The following CALCR variants were observed in gnomAD, a reference collection of about 807,000 sequenced individuals.
CALCR encodes calcitonin receptor.
In CALCR, 47 loss-of-function variants were observed where a neutral mutation model predicts 59.5. That is an observed-to-expected ratio of 0.79 (90% CI 0.63 to 1.01). CALCR has a LOEUF of 1.01. CALCR is among the 50% of genes least tolerant of loss of function. CALCR has a pLI of 0.00. For missense variants in CALCR, 566 were observed against 597.1 expected, an observed-to-expected ratio of 0.95 and a Z score of 0.54; for synonymous variants, 213 against 211.3, an observed-to-expected ratio of 1.01 and a Z score of -0.07.
chr7:93,497,020 G>A (rs1377423396), intron 2 of CALCR, among the ~76,000 whole-genome samples: 1 of 151,460 alleles, frequency 6.6e-6, no homozygotes, highest in Non-Finnish European at 1.5e-5. Context: ...GCCACATAAA[G>A]CAAAACAGAG....
intron 2 of CALCR, among the ~76,000 whole-genome samples, chr7:93,507,348 A>G (rs1801446166): frequency 6.6e-6 from 1 of 152,114 alleles, no homozygotes; most frequent in Non-Finnish European, 1.5e-5. Flanking sequence ...TGCCTGATGG[A>G]GAAAACATTA....
intron 3 of CALCR, chr7:93,483,958 T>C (rs549222966): frequency 3.9e-6 from 2 of 516,152 alleles, no homozygotes; most frequent in South Asian, 2.9e-5. Flanking sequence ...CTGCCGTATA[T>C]GTGATGTCAC....
intron 8 of CALCR, among the ~76,000 whole-genome samples, chr7:93,447,129 G>A (rs745559491): frequency 7.2e-5 from 11 of 151,932 alleles, no homozygotes; most frequent in Non-Finnish European, 1.3e-4. Flanking sequence ...AAGCGGAAGG[G>A]ATCCTTCAGT....
intron 5 of CALCR, among the ~76,000 whole-genome samples, chr7:93,473,346 T>C (rs1264020552): frequency 5.9e-5 from 9 of 151,804 alleles, no homozygotes; most frequent in African/African-American, 2.2e-4. Context: ...CTTCCATAAC[T>C]AGCAGGTAGA....
intron 2 of CALCR, among the ~76,000 whole-genome samples, chr7:93,509,481 GA>G (rs67754446): frequency 0.017 from 2,562 of 152,038 alleles, 65 homozygotes; most frequent in African/African-American, 0.058. Flanking sequence ...AAAACAAAAT[GA>G]AAAAACTTTT....
chr7:93,469,222 C>G (rs10281674), intron 6 of CALCR, among the ~76,000 whole-genome samples: 89,738 of 151,464 alleles, frequency 0.59, 28,246 homozygotes, highest in African/African-American at 0.82. Flanking sequence ...TACAGAGGGT[C>G]CAGAGAGTAT....
At position 93,513,371 on chromosome 7, in the gene CALCR, A is replaced by G. The variant is rs140787759; in HGVS notation, c.-26-26364T>C. On this transcript the variant is annotated intron_variant, in intron 2 of 13. Coordinates refer to ENST00000426151, the MANE Select transcript of CALCR (RefSeq NM_001742.4). ...AAAAGAAGTATATATAGGTTTATTT[A>G]CTAGGACACCTTATTAAATACTACA... Among the ~76,000 whole-genome samples, 12 of 152,306 alleles carry G rather than the reference A, an allele frequency of 7.9e-5. No individual in the cohort carries two copies. The East Asian group carries it at 2.1e-3, about 27-fold the overall frequency.
At chr7:93,557,385 G>GA (rs1016322336) in intron 2 of CALCR, among the ~76,000 whole-genome samples, 2 of 151,586 alleles carry the variant, frequency 1.3e-5, no homozygotes, top group South Asian at 2.1e-4. Context: ...ACATATACAA[G>GA]AAAAAAATGA....
intron 12 of CALCR, among the ~76,000 whole-genome samples, chr7:93,435,683 G>C (rs1270970604): frequency 6.6e-6 from 1 of 151,920 alleles, no homozygotes; most frequent in South Asian, 2.1e-4. Flanking sequence ...GCGCACACCT[G>C]TAATCCCAGC....
chr7:93,488,352 T>C (rs1800994642), intron 2 of CALCR, among the ~76,000 whole-genome samples: 1 of 151,292 alleles, frequency 6.6e-6, no homozygotes, highest in Non-Finnish European at 1.5e-5. Context: ...GCATCAACTG[T>C]TGTGCAAAAT....
At chr7:93,470,320 C>T (rs567090152) in intron 6 of CALCR, among the ~76,000 whole-genome samples, 4 of 151,462 alleles carry the variant, frequency 2.6e-5, no homozygotes, top group Admixed American at 6.6e-5. Flanking sequence ...CATTTTCTGG[C>T]TATTTTTCTA....
rs578150195 is a variant in CALCR at position 93,554,421 on chromosome 7, G to T, written c.-27+19868C>A. The stretch of plus-strand genomic sequence containing the variant: ...CATATGCAAATTTTCCTTAAAGAAA[G>T]GAAAGAGATCAAAGAAGATAGAAGC... On this transcript the variant is annotated intron_variant, in intron 2 of 13. Coordinates refer to ENST00000426151, the MANE Select transcript of CALCR (RefSeq NM_001742.4). Among the ~76,000 whole-genome samples the T allele has an allele frequency of 5.9e-5, 9 of 152,088 alleles. No homozygotes were observed. The East Asian group carries it at 1.7e-3, about 29-fold the overall frequency.
intron 2 of CALCR, among the ~76,000 whole-genome samples, chr7:93,558,547 G>T (rs1249203415): frequency 1.3e-5 from 2 of 151,994 alleles, no homozygotes; most frequent in Non-Finnish European, 2.9e-5. Flanking sequence ...GAAAAAGGTA[G>T]GTTTCACATG....
intron 8 of CALCR, among the ~76,000 whole-genome samples, chr7:93,444,947 T>C (rs1799981498): frequency 6.6e-6 from 1 of 152,110 alleles, no homozygotes; most frequent in Non-Finnish European, 1.5e-5. Flanking sequence ...TTTTATTTAA[T>C]GCATAAGAGT....
At chr7:93,546,774 T>A (rs1789300501) in intron 2 of CALCR, among the ~76,000 whole-genome samples, 1 of 151,848 alleles carries the variant, frequency 6.6e-6, no homozygotes, top group Non-Finnish European at 1.5e-5. Flanking sequence ...TTGCCCAGGC[T>A]GGTCTTGAAC....
At chr7:93,515,083 A>G (rs1385261912) in intron 2 of CALCR, among the ~76,000 whole-genome samples, 2 of 152,020 alleles carry the variant, frequency 1.3e-5, no homozygotes, top group African/African-American at 4.8e-5. Context: ...TCAGTAGAAA[A>G]TCCTTTTTCT....
chr7:93,478,165 T>C (rs936850349), intron 4 of CALCR, among the ~76,000 whole-genome samples: 4 of 151,770 alleles, frequency 2.6e-5, no homozygotes, highest in African/African-American at 9.7e-5. Context: ...TTCAACGAAA[T>C]TGTTTCTCCT....
chr7:93,508,203 AG>A (rs1801468964), intron 2 of CALCR, among the ~76,000 whole-genome samples: 1 of 152,218 alleles, frequency 6.6e-6, no homozygotes, highest in Non-Finnish European at 1.5e-5. Context: ...TGTTGACATA[AG>A]ATAATTCTAA....
At chr7:93,524,472 G>A (rs897478344) in intron 2 of CALCR, among the ~76,000 whole-genome samples, 2 of 151,862 alleles carry the variant, frequency 1.3e-5, no homozygotes, top group Non-Finnish European at 2.9e-5. Context: ...GCCCAGCCTG[G>A]TTTTTTTAAA....
Sources: gnomAD v4.1 joint callset for allele counts (sites outside exome capture counted in the v4.1 genomes callset) on GRCh38, gnomAD v4.1.1 for gene constraint, MANE v1.5 for transcripts, NCBI Gene and HGNC (gene_info 2026-07-23, HGNC 2026-07-21) for gene names.